The following CATSPERD variants were observed in gnomAD, a reference collection of about 807,000 sequenced individuals.
CATSPERD encodes catsper channel auxiliary subunit delta, also known as cation channel sperm-associated auxiliary subunit delta.
Under a neutral mutation model 98.1 loss-of-function variants are expected in CATSPERD, and 86 were observed. That is an observed-to-expected ratio of 0.88 (90% CI 0.74 to 1.05). CATSPERD has a LOEUF of 1.05. CATSPERD is among the 50% of genes least tolerant of loss of function. The probability of loss-of-function intolerance (pLI) is 0.00; values close to 1 mark genes in which losing one functional copy is unlikely to be tolerated. For missense variants in CATSPERD, 995 were observed against 1,005.7 expected (o/e 0.99, Z 0.14); for synonymous variants, 394 against 390.2 (o/e 1.01, Z -0.12).
At chr19:5,722,231 C>T (rs1458485085) in intron 1 of CATSPERD, among the ~76,000 whole-genome samples, 1 of 152,088 alleles carries the variant, frequency 6.6e-6, no homozygotes, top group Non-Finnish European at 1.5e-5. Flanking sequence ...AAGCAATTCT[C>T]CTGCCTCAGC....
chr19:5,746,990 G>A (rs771678844), intron 9 of CATSPERD, among the ~76,000 whole-genome samples: 1 of 151,404 alleles, frequency 6.6e-6, no homozygotes, highest in African/African-American at 2.4e-5. Context: ...CTACAGGCAT[G>A]TGCCACCATG....
At chr19:5,771,786 G>A (rs561054333) in intron 19 of CATSPERD, among the ~76,000 whole-genome samples, 14 of 151,812 alleles carry the variant, frequency 9.2e-5, no homozygotes, top group African/African-American at 3.4e-4. Context: ...GGTCAGGCTG[G>A]TCTCGAACTC....
chr19:5,767,209 CG>C (rs1254306275), intron 17 of CATSPERD, among the ~76,000 whole-genome samples: 52 of 140,734 alleles, frequency 3.7e-4, no homozygotes, highest in Middle Eastern at 4.5e-3. Context: ...CCCAGCTACT[CG>C]GGAGGCTGAG....
chr19:5,737,235 T>G (rs775585497), intron 6 of CATSPERD, 30 bp downstream of exon 6: 3 of 1,486,962 alleles, frequency 2.0e-6, no homozygotes, highest in Non-Finnish European at 1.9e-6. Flanking sequence ...TGTTCATTTT[T>G]TTTTGCTCTC....
At chr19:5,742,174 G>A (rs1225244886) in intron 7 of CATSPERD, among the ~76,000 whole-genome samples, 1 of 148,166 alleles carries the variant, frequency 6.7e-6, no homozygotes, top group Non-Finnish European at 1.5e-5. Context: ...GTGCGTGTGT[G>A]TATGTATGTG....
intron 5 of CATSPERD, among the ~76,000 whole-genome samples, chr19:5,736,886 T>C (rs1487079668): frequency 1.3e-5 from 2 of 151,710 alleles, no homozygotes; most frequent in Admixed American, 6.6e-5. Context: ...TGAAACCCTG[T>C]CTCTACTAAA....
chr19:5,756,611 G>A (rs955193877), intron 13 of CATSPERD, among the ~76,000 whole-genome samples: 2 of 152,072 alleles, frequency 1.3e-5, no homozygotes, highest in African/African-American at 4.8e-5. Context: ...TTTAAAGTAG[G>A]CTGGGCTAAC....
At chr19:5,760,162 A>T (rs895108662) in intron 15 of CATSPERD, among the ~76,000 whole-genome samples, 4 of 143,240 alleles carry the variant, frequency 2.8e-5, no homozygotes, top group African/African-American at 1.0e-4. Flanking sequence ...ACACTGTGGG[A>T]GGCTGAGGCG....
chr19:5,724,933 GT>G, intron 2 of CATSPERD, 71 bp downstream of exon 2: 2 of 1,408,582 alleles, frequency 1.4e-6, no homozygotes, highest in South Asian at 2.3e-5. Context: ...ACACTTCCTG[GT>G]ATTTCTTGGG....
intron 12 of CATSPERD, among the ~76,000 whole-genome samples, chr19:5,753,872 C>CA (rs370025485): frequency 0.027 from 3,873 of 144,466 alleles, 121 homozygotes; most frequent in African/African-American, 0.085. Flanking sequence ...GACCCTGTCT[C>CA]AAAAAAAAAA....
intron 1 of CATSPERD, 86 bp downstream of exon 1, chr19:5,720,894 A>T (rs1278283655): frequency 1.9e-6 from 2 of 1,074,040 alleles, no homozygotes; most frequent in Non-Finnish European, 1.3e-6. Flanking sequence ...CCTGCTCCCC[A>T]ACCTCACTGA....
chr19:5,763,263 G>A lies in CATSPERD; in HGVS notation c.1476G>A (p.Lys492=), dbSNP rs1258897604. The A allele has an allele frequency of 6.2e-7, 1 of 1,614,084 alleles. No individual in the cohort carries two copies. Among genetic ancestry groups the A allele is most frequent in the South Asian group, 1.1e-5 (1 of 91,076 alleles). Residue 492 remains lysine, a synonymous_variant, in exon 16 of 22, where the codon AAG becomes AAA. Transcript: ENST00000381624. ...CCTTAACTGTGGACATAGCAAACAA[G>A]GAAATTTCATGTGTGGATATCAAGC... ...MSTLTVDIAN[K]EISCVDIKPL...
chr19:5,753,402 C>CA (rs528671821), intron 12 of CATSPERD: 246 of 158,520 alleles, frequency 1.6e-3, no homozygotes, highest in South Asian at 4.8e-3. Context: ...ACCAAAAATA[C>CA]AAAAAAAAAA....
chr19:5,761,337 G>C (rs931069793), intron 15 of CATSPERD, among the ~76,000 whole-genome samples: 1 of 152,068 alleles, frequency 6.6e-6, no homozygotes, highest in African/African-American at 2.4e-5. Flanking sequence ...CCTGACCTCA[G>C]GTGGTCCGTC....
chr19:5,748,362 G>A (rs2056136474), intron 10 of CATSPERD, 107 bp downstream of exon 10: 2 of 1,020,728 alleles, frequency 2.0e-6, no homozygotes, highest in Admixed American at 1.8e-5. Context: ...TGGGCGCGGT[G>A]GCTCATGCCT....
chr19:5,759,297 C>T (rs931430707), intron 15 of CATSPERD, among the ~76,000 whole-genome samples, 153 bp downstream of exon 15: 1 of 152,058 alleles, frequency 6.6e-6, no homozygotes, highest in Non-Finnish European at 1.5e-5. Context: ...CGCGGTGGCT[C>T]ACGCCTGCAA....
chr19:5,724,962 AT>A lies in CATSPERD; in HGVS notation c.126+103del, dbSNP rs1207455082. ...TTCTTGGGTGCCCGTGTTGTCAAGC[AT>A]TTAAGATCATTACTTTATTCAGTCT... On this transcript the variant is annotated intron_variant, in intron 2 of 21. Coordinates refer to ENST00000381624, the MANE Select transcript of CATSPERD (RefSeq NM_152784.4). 13 of 1,003,220 alleles carry A rather than the reference AT, an allele frequency of 1.3e-5. No individual in the cohort carries two copies. The East Asian group carries it at 2.2e-4, about 17-fold the overall frequency. The allele number at this position is 1,003,220 out of a possible 1,614,324, so 62.1% of individuals were successfully genotyped here.
chr19:5,745,767 TAAAAA>T lies in CATSPERD; in HGVS notation c.658-143_658-139del, dbSNP rs937049986. ...ACAATAAAGTTGTATTTAATAAAAA[TAAAAA>T]AAGAAAGGCAGACTTGTGGCTTCTT... On this transcript the variant is annotated intron_variant, in intron 8 of 21. Transcript: ENST00000381624. 6 of 682,016 alleles carry T rather than the reference TAAAAA, an allele frequency of 8.8e-6. No individual in the cohort carries two copies. In the South Asian group the frequency reaches 1.9e-4, roughly 22 times the overall value. The allele number at this position is 682,016 out of a possible 1,614,324, so 42.2% of individuals were successfully genotyped here.
chr19:5,772,637 T>C, intron 19 of CATSPERD, 151 bp from the exon 20 acceptor site: 1 of 736,614 alleles, frequency 1.4e-6, no homozygotes, highest in Admixed American at 2.6e-5. Context: ...ACACACGGCA[T>C]CCTCAGCTGG....
Sources: allele counts gnomAD v4.1 joint callset (sites outside exome capture counted in the v4.1 genomes callset), GRCh38; gene constraint gnomAD v4.1.1; transcripts MANE v1.5; gene names NCBI Gene and HGNC (gene_info 2026-07-23, HGNC 2026-07-21).